ZC2HC1A: variants seen among roughly 807,000 people sequenced by gnomAD.
ZC2HC1A encodes the protein zinc finger C2HC domain-containing protein 1A.
Under a neutral mutation model 40.7 loss-of-function variants are expected in ZC2HC1A, and 28 were observed. The observed-to-expected ratio is 0.69, with a 90% CI of 0.51 to 0.94. The LOEUF is 0.94. Ranked by LOEUF, ZC2HC1A falls within the 40% of genes least tolerant of loss-of-function variation. The probability of loss-of-function intolerance (pLI) is 0.00; values close to 1 mark genes in which losing one functional copy is unlikely to be tolerated. For missense variants in ZC2HC1A, 389 were observed against 386.3 expected, an observed-to-expected ratio of 1.01 and a Z score of -0.06; for synonymous variants, 129 against 129.2, an observed-to-expected ratio of 1.00 and a Z score of 0.01.
intron 7 of ZC2HC1A, among the ~76,000 whole-genome samples, chr8:78,707,312 T>C (rs1810803415): frequency 1.3e-5 from 2 of 152,206 alleles, no homozygotes; most frequent in Non-Finnish European, 2.9e-5. Context: ...TATTCCTAGA[T>C]AGGACGTGTA....
intron 1 of ZC2HC1A, 167 bp from the exon 2 acceptor site, chr8:78,675,620 A>G (rs3736169): frequency 0.71 from 408,125 of 571,624 alleles, 149,719 homozygotes; most frequent in East Asian, 0.92. Context: ...ACTGATAACT[A>G]AGTATTATGC....
intron 7 of ZC2HC1A, among the ~76,000 whole-genome samples, chr8:78,712,565 G>C (rs1447935689): frequency 6.6e-6 from 1 of 152,100 alleles, no homozygotes; most frequent in Non-Finnish European, 1.5e-5. Context: ...TTCAATCCAA[G>C]GGTCCTTAGT....
At chr8:78,696,970 T>A (rs1281418590) in intron 5 of ZC2HC1A, among the ~76,000 whole-genome samples, 2 of 152,226 alleles carry the variant, frequency 1.3e-5, no homozygotes, top group South Asian at 2.1e-4. Flanking sequence ...TAGACCTTTT[T>A]TTCTTTTTCC....
chr8:78,712,749 C>A (rs1810989084), intron 7 of ZC2HC1A, among the ~76,000 whole-genome samples: 1 of 152,128 alleles, frequency 6.6e-6, no homozygotes, highest in African/African-American at 2.4e-5. Context: ...TCAAGGTTTA[C>A]TAATTTGGGT....
At chr8:78,691,076 T>C (rs1019104338) in intron 5 of ZC2HC1A, among the ~76,000 whole-genome samples, 2 of 152,160 alleles carry the variant, frequency 1.3e-5, no homozygotes, top group Non-Finnish European at 2.9e-5. Flanking sequence ...TATTTCTTTT[T>C]TGTGATTTAC....
chr8:78,712,323 A>C (rs1017297025), intron 7 of ZC2HC1A, among the ~76,000 whole-genome samples: 1 of 152,138 alleles, frequency 6.6e-6, no homozygotes, highest in South Asian at 2.1e-4. Flanking sequence ...TATACATTTT[A>C]TTCCATTAAA....
At chr8:78,695,034 T>C (rs993258531) in intron 5 of ZC2HC1A, among the ~76,000 whole-genome samples, 12 of 152,034 alleles carry the variant, frequency 7.9e-5, no homozygotes, top group African/African-American at 1.7e-4. Flanking sequence ...GTAGAATAGA[T>C]AGAATATAGC....
intron 5 of ZC2HC1A, among the ~76,000 whole-genome samples, chr8:78,694,547 C>T (rs1057369758): frequency 6.6e-6 from 1 of 152,062 alleles, no homozygotes; most frequent in Non-Finnish European, 1.5e-5. Context: ...ATGTTCAGGT[C>T]GTTATTACAA....
chr8:78,672,318 G>A lies in ZC2HC1A; in HGVS notation c.17-3469G>A, dbSNP rs1299399632. On this transcript the variant is annotated intron_variant, in intron 1 of 8. Transcript: ENST00000263849. ...CAGCCACTTTATTATTTAATTAGTT[G>A]TGTGTGTGAGGTCAGAATATTTTAA... Among the ~76,000 whole-genome samples, 3 of 152,006 alleles carry A rather than the reference G, an allele frequency of 2.0e-5. No homozygotes were observed. In the East Asian group the frequency reaches 5.8e-4, roughly 29 times the overall value.
intron 2 of ZC2HC1A, among the ~76,000 whole-genome samples, chr8:78,677,484 C>T (rs1809618880): frequency 6.6e-6 from 1 of 152,104 alleles, no homozygotes; most frequent in African/African-American, 2.4e-5. Context: ...ACAAATCAGA[C>T]CACCTGTCCT....
intron 7 of ZC2HC1A, among the ~76,000 whole-genome samples, chr8:78,706,815 C>A (rs1259253878): frequency 6.6e-6 from 1 of 151,852 alleles, no homozygotes; most frequent in Non-Finnish European, 1.5e-5. Context: ...TTTTGCTTCT[C>A]AATTCAGACT....
rs1811179473 is a variant in ZC2HC1A, at chr8:78,718,757, A to C, written c.*1264A>C. ...TCACTTTCAGTATATCATAGTAGTT[A>C]GTAGTAGATTGCCTTGATGGCAGTA... On this transcript the variant is annotated 3_prime_UTR_variant, in exon 9 of 9. Coordinates refer to ENST00000263849, the MANE Select transcript of ZC2HC1A (RefSeq NM_016010.3). 6.6e-6 allele frequency: 1 copy of C among 151,882 alleles called. No individual in the cohort carries two copies. The allele number at this position is 151,882 out of a possible 1,614,324, so 9.4% of individuals were successfully genotyped here.
chr8:78,666,287 C>T, intron 1 of ZC2HC1A, 123 bp downstream of exon 1: 5 of 1,478,534 alleles, frequency 3.4e-6, no homozygotes, highest in Non-Finnish European at 4.6e-6. Flanking sequence ...CGCGTCCCGC[C>T]GCGCCTCCGG....
chr8:78,711,353 TTATAATTTTGGTCAAAA>T (rs1264551095), intron 7 of ZC2HC1A, among the ~76,000 whole-genome samples: 5 of 152,100 alleles, frequency 3.3e-5, no homozygotes, highest in Non-Finnish European at 7.4e-5. Context: ...TGGAGAGCCT[TTATAATTTTGGTCAAAA>T]TGTGTGTGTG....
At chr8:78,692,491 AGACAT>A (rs760735821) in intron 5 of ZC2HC1A, among the ~76,000 whole-genome samples, 8 of 152,214 alleles carry the variant, frequency 5.3e-5, no homozygotes, top group Non-Finnish European at 8.8e-5. Flanking sequence ...GTTGAAAACT[AGACAT>A]GACATGGTAG....
chr8:78,697,376 G>A, intron 5 of ZC2HC1A, 31 bp from the exon 6 acceptor site: 1 of 1,515,166 alleles, frequency 6.6e-7, no homozygotes, highest in Non-Finnish European at 9.0e-7. Flanking sequence ...AAAAAGTGAT[G>A]TTGATTAATA....
intron 1 of ZC2HC1A, among the ~76,000 whole-genome samples, chr8:78,666,895 T>A (rs1488041668): frequency 6.6e-6 from 1 of 152,212 alleles, no homozygotes; most frequent in African/African-American, 2.4e-5. Flanking sequence ...ACCCATTTTA[T>A]CCTGTGTAAT....
At chr8:78,698,659 C>CAGCAGTGAGTG in intron 7 of ZC2HC1A, 146 bp downstream of exon 7, 2 of 498,126 alleles carry the variant, frequency 4.0e-6, no homozygotes, top group Non-Finnish European at 6.6e-6. Context: ...AGCACACTCA[C>CAGCAGTGAGTG]TGCTGTTGAG....
rs775998190 is a variant in ZC2HC1A, at chr8:78,689,307, A to G, written c.438A>G (p.Ala146=). ...RHINFCKEQA[A]RISNKGKFST... ...TAAATTTCTGTAAAGAACAGGCAGC[A>G]CGTATTAGTAATAAAGGGAAATTTT... The change falls in exon 5 of 9, where the codon GCA becomes GCG. Residue 146 remains alanine (A), a synonymous_variant. Coordinates refer to ENST00000263849, the MANE Select transcript of ZC2HC1A (RefSeq NM_016010.3). 3 of 1,604,242 alleles carry G rather than the reference A, an allele frequency of 1.9e-6. No homozygotes were observed. Among genetic ancestry groups the G allele is most frequent in the Non-Finnish European group, 2.6e-6 (3 of 1,175,292 alleles).
Sources: gnomAD v4.1 joint callset for allele counts (sites outside exome capture counted in the v4.1 genomes callset) on GRCh38, gnomAD v4.1.1 for gene constraint, MANE v1.5 for transcripts, NCBI Gene and HGNC (gene_info 2026-07-23, HGNC 2026-07-21) for gene names.